Variants in WDR36 observed in about 807,000 individuals in gnomAD.
WDR36 encodes WD repeat domain 36.
WDR36 carries 63 observed loss-of-function variants against 112.7 expected under a neutral mutation model. The ratio of observed to expected loss-of-function variants is 0.56; its 90% CI spans 0.46 to 0.69. WDR36 has a LOEUF of 0.69. WDR36 is among the 30% of genes least tolerant of loss of function. The probability of loss-of-function intolerance (pLI) is 0.00; values close to 1 mark genes in which losing one functional copy is unlikely to be tolerated. For synonymous variants in WDR36, 410 were observed against 362.2 expected (o/e 1.13, Z -1.50); for missense variants, 1,226 against 1,070.3 (o/e 1.15, Z -2.03).
At chr5:111,099,469 T>TG (rs1753072748) in intron 4 of WDR36, among the ~76,000 whole-genome samples, 1 of 146,008 alleles carries the variant, frequency 6.8e-6, no homozygotes, top group African/African-American at 2.6e-5. Context: ...TTTTGTTTTT[T>TG]TTTTTTTTTT....
At chr5:111,098,588 C>T in intron 3 of WDR36, 134 bp from the exon 4 acceptor site, 2 of 689,784 alleles carry the variant, frequency 2.9e-6, no homozygotes, top group Non-Finnish European at 5.2e-6. Flanking sequence ...TCATCCTAAC[C>T]TTGAATAATC....
rs747063403 is a variant in WDR36 at position 111,110,928 on chromosome 5, A to G, written c.1582A>G (p.Asn528Asp). ...IHSVSLSSSP[N>D]IMLLHRDSGI... ...TTCTGTGAGCCTCAGTTCATCTCCA[A>G]ATATCATGTTGCTACATAGGGACAG... The change falls in exon 14 of 23, where the codon AAT (asparagine) becomes GAT (aspartate). Residue 528 changes from asparagine (N) to aspartate (D), a missense_variant. By Grantham distance (23) the Asn-to-Asp change is conservative. Transcript: ENST00000513710. 8 of 1,611,278 alleles carry G rather than the reference A, an allele frequency of 5.0e-6. No individual in the cohort carries two copies. Among genetic ancestry groups the G allele is most frequent in the South Asian group, 1.1e-5 (1 of 91,018 alleles).
rs993338557 is a variant in WDR36, at chr5:111,123,916, C to T, written c.2260C>T (p.Pro754Ser). ...TGCTGCACCTGAACAAAATAATGAT[C>T]CCCAGCAGGTAAAAAACAAATTAGA... ...RYAAPEQNND[P>S]QQSKVVNLGV... Residue 754 changes from proline (P) to serine (S), a missense_variant, in exon 20 of 23, where the codon CCC (proline) becomes TCC (serine). Coordinates refer to ENST00000513710, the MANE Select transcript of WDR36 (RefSeq NM_139281.3). 3.1e-6 allele frequency: 5 copies of T among 1,613,468 alleles called. No homozygotes were observed.
intron 1 of WDR36, 47 bp from the exon 2 acceptor site, chr5:111,094,873 G>A: frequency 6.8e-7 from 1 of 1,462,778 alleles, no homozygotes; most frequent in Non-Finnish European, 9.5e-7. Flanking sequence ...AGGTTATTAT[G>A]ATTATGTTTG....
At chr5:111,097,039 T>C in intron 2 of WDR36, 40 bp from the exon 3 acceptor site, 1 of 1,501,282 alleles carries the variant, frequency 6.7e-7, no homozygotes, top group Non-Finnish European at 9.3e-7. Context: ...CTTTAACATC[T>C]TAAAAATCCC....
chr5:111,120,049 G>C (rs893687737), intron 17 of WDR36, among the ~76,000 whole-genome samples: 2 of 152,108 alleles, frequency 1.3e-5, no homozygotes, highest in African/African-American at 4.8e-5. Context: ...GGTGCAGGCT[G>C]AGTAGCAGAA....
At chr5:111,114,511 A>T (rs1753417003) in intron 16 of WDR36, among the ~76,000 whole-genome samples, 1 of 152,132 alleles carries the variant, frequency 6.6e-6, no homozygotes, top group South Asian at 2.1e-4. Context: ...TTGCATATAC[A>T]CTGGATTTGT....
intron 21 of WDR36, among the ~76,000 whole-genome samples, chr5:111,125,363 G>A: frequency 6.6e-6 from 1 of 151,948 alleles, no homozygotes; most frequent in Admixed American, 6.6e-5. Context: ...TTATTAACAG[G>A]AAAAAGGTTT....
rs1425411300 is a variant in WDR36, at chr5:111,128,778, T to G, written c.*1895T>G. On this transcript the variant is annotated 3_prime_UTR_variant, in exon 23 of 23. Coordinates refer to ENST00000513710, the MANE Select transcript of WDR36 (RefSeq NM_139281.3). ...GAGGGAAAGAAATAGAAAATATAAT[T>G]TTATCTATATTTTCCTTAAAATATA... 2 of 181,642 alleles carry G rather than the reference T, an allele frequency of 1.1e-5. No homozygotes were observed. The highest frequency in any genetic ancestry group is 2.3e-5 in the Non-Finnish European group (2 of 85,234). 11.3% of individuals were successfully genotyped at this position (181,642 alleles called of 1,614,324 possible).
Position 111,126,736 on chromosome 5 carries a change from A to G in WDR36, c.2541A>G (p.Leu847=), listed in dbSNP as rs1753685025. 6.2e-7 allele frequency: 1 copy of G among 1,613,464 alleles called. No individual in the cohort carries two copies. Among genetic ancestry groups the G allele is most frequent in the Non-Finnish European group, 8.5e-7 (1 of 1,179,702 alleles). The change falls in exon 23 of 23, where the codon TTA becomes TTG. Residue 847 remains leucine (L), a splice_region_variant and synonymous_variant. Transcript: ENST00000513710. ...AQAYLALFLK[L]HLKMLPSEPV... The stretch of plus-strand genomic sequence containing the variant: ...AATCATCATATTTTTCTTTGCAGTT[A>G]CACCTTAAAATGCTTCCTTCAGAGC...
Position 111,104,783 on chromosome 5 carries a change from T to A in WDR36, c.993T>A (p.Tyr331Ter). The A allele has an allele frequency of 6.2e-7, 1 of 1,611,200 alleles. No individual in the cohort carries two copies. Among genetic ancestry groups the A allele is most frequent in the Non-Finnish European group, 8.5e-7 (1 of 1,177,850 alleles). The change falls in exon 9 of 23, where the codon TAT becomes TAA. Residue 331 changes from tyrosine to a stop codon, truncating the protein, a stop_gained. Transcript: ENST00000513710. LOFTEE classifies it high-confidence loss of function. ...GTGCTCCTCTTACCAATATCAGATA[T>A]TATGGACAGAATGGACAGCAGATTC... ...GHSAPLTNIR[Y>*]YGQNGQQILS... is the part of the protein sequence containing the mutation.
chr5:111,105,966 A>G (rs372858898), intron 10 of WDR36, 91 bp from the exon 11 acceptor site: 122 of 963,870 alleles, frequency 1.3e-4, no homozygotes, highest in African/African-American at 1.1e-3. Context: ...CTTGTACTTT[A>G]TAGTTACAAG....
At chr5:111,123,108 CA>C (rs1392986949) in intron 19 of WDR36, among the ~76,000 whole-genome samples, 12 of 144,346 alleles carry the variant, frequency 8.3e-5, no homozygotes, top group South Asian at 4.3e-4. Flanking sequence ...AATTCCATCT[CA>C]AAAAAAAAAA....
intron 12 of WDR36, among the ~76,000 whole-genome samples, chr5:111,108,312 G>C (rs1166128258): frequency 1.3e-5 from 2 of 151,036 alleles, no homozygotes; most frequent in Non-Finnish European, 3.0e-5. Flanking sequence ...TCAAAATGCA[G>C]TTGATTTTTG....
rs139257410 is a variant in WDR36, at chr5:111,104,397, C to G, written c.906+45C>G. ...CATCTTCCTGGCTCATCTAACTTACCCTTTGGGTTATTACAAGCTTGTTTT... is the reference window on the plus strand; with the variant it reads ...CATCTTCCTGGCTCATCTAACTTACGCTTTGGGTTATTACAAGCTTGTTTT... On this transcript the variant is annotated intron_variant, in intron 8 of 22. Coordinates refer to ENST00000513710, the MANE Select transcript of WDR36 (RefSeq NM_139281.3). 702 of 1,608,748 alleles carry G rather than the reference C, an allele frequency of 4.4e-4. 14 individuals carry two copies. In the East Asian group the frequency reaches 0.015, roughly 35 times the overall value.
At position 111,094,951 on chromosome 5, in the gene WDR36, A is replaced by C. The variant is rs751154320; in HGVS notation, c.190+4A>C. 3.1e-6 allele frequency: 5 copies of C among 1,606,184 alleles called. No homozygotes were observed. In the East Asian group the frequency reaches 1.1e-4, roughly 36 times the overall value. ...AAACTTAGTCTGGTTGCAGTAAGTAAGTATGGACTTTATTCTGAATTTATG... is the reference window on the plus strand; with the variant it reads ...AAACTTAGTCTGGTTGCAGTAAGTACGTATGGACTTTATTCTGAATTTATG... On this transcript the variant is annotated splice_donor_region_variant and intron_variant, in intron 2 of 22. Transcript: ENST00000513710.
At chr5:111,112,867 AG>A (rs1230283069) in intron 15 of WDR36, among the ~76,000 whole-genome samples, 1 of 151,252 alleles carries the variant, frequency 6.6e-6, no homozygotes, top group African/African-American at 2.4e-5. Context: ...AGTGGTATTT[AG>A]GAAGTGGTAT....
intron 21 of WDR36, among the ~76,000 whole-genome samples, chr5:111,124,678 CTG>C (rs745787848): frequency 9.9e-5 from 15 of 152,128 alleles, no homozygotes; most frequent in Admixed American, 2.6e-4. Context: ...AGGCTACAGT[CTG>C]TAGCTAATAG....
At position 111,118,692 on chromosome 5, in the gene WDR36, T is replaced by G. The variant is rs13186410; in HGVS notation, c.1797-321T>G. ...TTTAAATGTTATATCTTTAGAATTG[T>G]CTCCAAGTCAGTCTACCAAAATTTA... On this transcript the variant is annotated intron_variant, in intron 16 of 22. Coordinates refer to ENST00000513710, the MANE Select transcript of WDR36 (RefSeq NM_139281.3). 0.26 allele frequency among the ~76,000 whole-genome samples: 39,962 copies of G among 152,060 alleles called. 6,121 individuals carry two copies. The highest frequency in any genetic ancestry group is 0.43 in the Middle Eastern group (126 of 294).
Sources: gnomAD v4.1 joint callset for allele counts (sites outside exome capture counted in the v4.1 genomes callset) on GRCh38, gnomAD v4.1.1 for gene constraint, MANE v1.5 for transcripts, NCBI Gene and HGNC (gene_info 2026-07-23, HGNC 2026-07-21) for gene names.